Variants in PSD3 observed in about 807,000 individuals in gnomAD.
PSD3 encodes the protein pleckstrin and Sec7 domain containing 3, also known as PH and SEC7 domain-containing protein 3.
PSD3 carries 49 observed loss-of-function variants against 105.5 expected under a neutral mutation model. That is an observed-to-expected ratio of 0.46 (90% CI 0.37 to 0.59). The LOEUF (loss-of-function observed/expected upper bound fraction) is 0.59. Among genes scored for constraint, PSD3 ranks in the 20% least tolerant of loss-of-function variants. The pLI, the probability that PSD3 is intolerant of heterozygous loss-of-function variation, is 0.00. For missense variants in PSD3, 1,561 were observed against 1,263.8 expected, an observed-to-expected ratio of 1.24 and a Z score of -3.57; for synonymous variants, 557 against 457.8, an observed-to-expected ratio of 1.22 and a Z score of -2.77.
At chr8:18,845,896 C>A (rs1468223848) in intron 4 of PSD3, among the ~76,000 whole-genome samples, 1 of 152,136 alleles carries the variant, frequency 6.6e-6, no homozygotes, top group Non-Finnish European at 1.5e-5. Flanking sequence ...AAATGAAATC[C>A]TTTATATTTC....
intron 8 of PSD3, chr8:18,774,653 A>G (rs1585928147): frequency 8.1e-6 from 3 of 369,782 alleles, no homozygotes; most frequent in Non-Finnish European, 1.6e-5. Flanking sequence ...GGCACATGAT[A>G]CAAGTATTCT....
intron 9 of PSD3, among the ~76,000 whole-genome samples, chr8:18,742,255 A>C (rs1804632009): frequency 6.6e-6 from 1 of 152,156 alleles, no homozygotes; most frequent in Non-Finnish European, 1.5e-5. Flanking sequence ...ACCAAAAAAG[A>C]AAAAAGAGAA....
At chr8:19,039,980 T>TG (rs1219296346) in intron 1 of PSD3, among the ~76,000 whole-genome samples, 2 of 152,060 alleles carry the variant, frequency 1.3e-5, no homozygotes, top group African/African-American at 2.4e-5. Flanking sequence ...ACTTAAGGGT[T>TG]GGGGGGTATT....
chr8:18,632,170 T>A (rs1806948778), intron 11 of PSD3, among the ~76,000 whole-genome samples: 1 of 152,046 alleles, frequency 6.6e-6, no homozygotes, highest in Admixed American at 6.6e-5. Context: ...TGGATATGAA[T>A]TCCCTCCCTC....
chr8:18,996,086 C>CTGATCTTATTTAG (rs1826066655), intron 1 of PSD3, among the ~76,000 whole-genome samples: 12 of 152,148 alleles, frequency 7.9e-5, no homozygotes, highest in African/African-American at 2.9e-4. Context: ...TGGTCATCCA[C>CTGATCTTATTTAG]ACAAGATCCA....
intron 12 of PSD3, among the ~76,000 whole-genome samples, chr8:18,589,078 T>G (rs922193382): frequency 2.0e-5 from 3 of 152,168 alleles, no homozygotes; most frequent in African/African-American, 7.2e-5. Flanking sequence ...AAATTTAATT[T>G]CAAAGGGTTC....
intron 1 of PSD3, among the ~76,000 whole-genome samples, chr8:19,006,966 T>C (rs1215551102): frequency 1.3e-5 from 2 of 151,934 alleles, no homozygotes; most frequent in African/African-American, 4.8e-5. Context: ...AAAAGTCAAC[T>C]GCAGCCAGCT....
At chr8:19,082,822 G>A (rs906768036) in intron 1 of PSD3, among the ~76,000 whole-genome samples, 20 of 152,184 alleles carry the variant, frequency 1.3e-4, no homozygotes, top group African/African-American at 4.1e-4. Context: ...CCTAAATCCC[G>A]GTAGGAAATG....
chr8:18,566,404 T>C (rs1801751442), intron 14 of PSD3, among the ~76,000 whole-genome samples: 2 of 151,506 alleles, frequency 1.3e-5, no homozygotes, highest in Admixed American at 6.6e-5. Flanking sequence ...CGGGCGCCTG[T>C]AATCCCAGCT....
chr8:18,645,642 G>A (rs767614848), intron 10 of PSD3, among the ~76,000 whole-genome samples: 5 of 151,988 alleles, frequency 3.3e-5, no homozygotes, highest in South Asian at 2.1e-4. Flanking sequence ...AGAGTCCAGC[G>A]TGACACAGTA....
At chr8:18,760,740 C>T (rs527876914) in intron 9 of PSD3, among the ~76,000 whole-genome samples, 1 of 152,172 alleles carries the variant, frequency 6.6e-6, no homozygotes, top group African/African-American at 2.4e-5. Context: ...CAAAAGCTAA[C>T]ACTTCACTAG....
chr8:19,051,352 A>C (rs1828523108), intron 1 of PSD3, among the ~76,000 whole-genome samples: 1 of 152,146 alleles, frequency 6.6e-6, no homozygotes, highest in African/African-American at 2.4e-5. Flanking sequence ...ACATACTCTC[A>C]TATGACTCAG....
At position 18,713,459 on chromosome 8, in the gene PSD3, A is replaced by G. The variant is rs142712259; in HGVS notation, c.2172+51990T>C. Among the ~76,000 whole-genome samples, 1,456 of 152,314 alleles carry G rather than the reference A, an allele frequency of 9.6e-3. 28 individuals are homozygous for G. The highest frequency in any genetic ancestry group is 0.033 in the African/African-American group (1,378 of 41,560). On this transcript the variant is annotated intron_variant, in intron 9 of 15. Transcript: ENST00000327040. The stretch of plus-strand genomic sequence containing the variant: ...TCTCAGGATACAAAATCAATGTGCA[A>G]AAATGATAAGCATTCCTATACACCA...
At chr8:18,681,978 T>C (rs1800413558) in intron 9 of PSD3, among the ~76,000 whole-genome samples, 1 of 150,460 alleles carries the variant, frequency 6.6e-6, no homozygotes, top group African/African-American at 2.5e-5. Flanking sequence ...TTTATACTGT[T>C]AACTCCTGCG....
intron 12 of PSD3, among the ~76,000 whole-genome samples, chr8:18,594,182 A>C (rs1563358333): frequency 2.3e-5 from 1 of 43,960 alleles, no homozygotes; most frequent in African/African-American, 7.6e-5. Context: ...TATATAATAT[A>C]TATTATTATA....
At chr8:18,701,607 G>A (rs1390153910) in intron 9 of PSD3, among the ~76,000 whole-genome samples, 1 of 152,110 alleles carries the variant, frequency 6.6e-6, no homozygotes, top group Non-Finnish European at 1.5e-5. Flanking sequence ...TTCCATTGTT[G>A]AAGGAAACAA....
intron 1 of PSD3, among the ~76,000 whole-genome samples, chr8:19,060,908 C>T (rs1408578156): frequency 6.6e-6 from 1 of 152,216 alleles, no homozygotes; most frequent in African/African-American, 2.4e-5. Flanking sequence ...ATCTAGGCAT[C>T]TTCTTTGGCA....
At chr8:18,943,088 A>G (rs1211802619) in intron 1 of PSD3, among the ~76,000 whole-genome samples, 1 of 152,202 alleles carries the variant, frequency 6.6e-6, no homozygotes, top group African/African-American at 2.4e-5. Flanking sequence ...AGCTGTGTAC[A>G]TGAGAATCCT....
intron 2 of PSD3, among the ~76,000 whole-genome samples, chr8:18,934,788 C>G (rs1821999184): frequency 6.6e-6 from 1 of 152,176 alleles, no homozygotes; most frequent in Non-Finnish European, 1.5e-5. Context: ...ATCCAGAACT[C>G]AGAGAATATT....
Sources: gnomAD v4.1 joint callset for allele counts (sites outside exome capture counted in the v4.1 genomes callset) on GRCh38, gnomAD v4.1.1 for gene constraint, MANE v1.5 for transcripts, NCBI Gene and HGNC (gene_info 2026-07-23, HGNC 2026-07-21) for gene names.